The following IGF2R variants were observed in gnomAD, a reference collection of about 807,000 sequenced individuals.
The protein encoded by IGF2R is cation-independent mannose-6-phosphate receptor.
In IGF2R, 91 loss-of-function variants were observed where a neutral mutation model predicts 270.6. The ratio of observed to expected loss-of-function variants is 0.34; its 90% CI spans 0.28 to 0.40. The LOEUF (loss-of-function observed/expected upper bound fraction) is 0.40. IGF2R is among the 10% of genes least tolerant of loss of function. IGF2R has a pLI of 1.00. For synonymous variants in IGF2R, 1,316 were observed against 1,258.9 expected, an observed-to-expected ratio of 1.05 and a Z score of -0.96; for missense variants, 2,805 against 3,188.3, an observed-to-expected ratio of 0.88 and a Z score of 2.90.
Position 160,012,569 on chromosome 6 carries a change from G to T in IGF2R, c.513+1784G>T, listed in dbSNP as rs560695390. On this transcript the variant is annotated intron_variant, in intron 4 of 47. Coordinates refer to ENST00000356956, the MANE Select transcript of IGF2R (RefSeq NM_000876.4). Reference sequence around the variant, plus strand: ...ACTTTGAAATGACCAGATCTCACAAGAACTCACTCACTATCATGATAATAG... The same window carrying T: ...ACTTTGAAATGACCAGATCTCACAATAACTCACTCACTATCATGATAATAG... Among the ~76,000 whole-genome samples, 26 of 151,510 alleles carry T rather than the reference G, an allele frequency of 1.7e-4. No individual in the cohort carries two copies. In the South Asian group the frequency reaches 5.2e-3, roughly 30 times the overall value.
intron 9 of IGF2R, among the ~76,000 whole-genome samples, chr6:160,034,074 G>A (rs1372089833): frequency 1.3e-5 from 2 of 152,186 alleles, no homozygotes; most frequent in Non-Finnish European, 2.9e-5. Context: ...CCTCAGGCAC[G>A]GCTGTGTTCA....
At chr6:160,061,678 T>C (rs1778442128) in intron 24 of IGF2R, 32 bp downstream of exon 24, 2 of 1,613,800 alleles carry the variant, frequency 1.2e-6, no homozygotes, top group South Asian at 2.2e-5. Flanking sequence ...GATTGGCGTC[T>C]GTTCATTTTA....
intron 1 of IGF2R, among the ~76,000 whole-genome samples, chr6:159,984,962 T>C (rs887449785): frequency 6.6e-6 from 1 of 152,244 alleles, no homozygotes; most frequent in Non-Finnish European, 1.5e-5. Flanking sequence ...CATGGGTATG[T>C]ATGTAAAGGA....
chr6:160,075,341 G>T (rs1314589507), intron 35 of IGF2R, among the ~76,000 whole-genome samples: 1 of 152,144 alleles, frequency 6.6e-6, no homozygotes, highest in Non-Finnish European at 1.5e-5. Flanking sequence ...AACACCTCCT[G>T]TCCCCTCTCC....
intron 2 of IGF2R, among the ~76,000 whole-genome samples, chr6:159,999,909 A>C (rs923777244): frequency 5.3e-5 from 8 of 152,246 alleles, no homozygotes; most frequent in Admixed American, 3.3e-4. Flanking sequence ...GAAGCCATAC[A>C]GGAGAAGAGG....
At chr6:159,972,327 TC>T in intron 1 of IGF2R, among the ~76,000 whole-genome samples, 1 of 152,312 alleles carries the variant, frequency 6.6e-6, no homozygotes, top group South Asian at 2.1e-4. Context: ...TACAGAAGGA[TC>T]ACATTCCAAA....
rs201939968 is a variant in IGF2R, at chr6:160,047,295, C to T, written c.2188C>T (p.Leu730Phe). ...HTPRATLITF[L>F]CDRDAGVGFP... ...ACCGAGAGCTACGCTCATCACCTTTCTCTGTGATCGAGACGCGGGAGTGGG... is the reference window on the plus strand; with the variant it reads ...ACCGAGAGCTACGCTCATCACCTTTTTCTGTGATCGAGACGCGGGAGTGGG... Residue 730 changes from leucine to phenylalanine, a missense_variant, in exon 16 of 48, where the codon CTC becomes TTC. Leu to Phe is a conservative substitution (Grantham distance 22, BLOSUM62 0). Coordinates refer to ENST00000356956, the MANE Select transcript of IGF2R (RefSeq NM_000876.4). 1.9e-6 allele frequency: 3 copies of T among 1,610,042 alleles called. No individual in the cohort carries two copies. Among genetic ancestry groups the T allele is most frequent in the Non-Finnish European group, 2.5e-6 (3 of 1,178,714 alleles).
intron 4 of IGF2R, among the ~76,000 whole-genome samples, chr6:160,015,697 G>A (rs1479427712): frequency 6.6e-6 from 1 of 152,192 alleles, no homozygotes; most frequent in Non-Finnish European, 1.5e-5. Context: ...CCCTGATATA[G>A]TTTGGATTTT....
At chr6:160,060,503 A>T (rs1210486528) in intron 22 of IGF2R, 44 bp from the exon 23 acceptor site, 3 of 1,599,196 alleles carry the variant, frequency 1.9e-6, no homozygotes, top group Non-Finnish European at 2.6e-6. Flanking sequence ...CTGCGCCATG[A>T]ATACTGTTCT....
At chr6:160,032,153 C>T (rs1297586188) in intron 7 of IGF2R, among the ~76,000 whole-genome samples, 4 of 152,162 alleles carry the variant, frequency 2.6e-5, no homozygotes, top group African/African-American at 4.8e-5. Context: ...TCGTGGAAAG[C>T]GGTGAATGGA....
Position 160,027,225 on chromosome 6 carries a change from C to G in IGF2R, c.687C>G (p.Pro229=), listed in dbSNP as rs1025884357. The change falls in exon 6 of 48, where the codon CCC becomes CCG. Residue 229 remains proline, a synonymous_variant. Transcript: ENST00000356956. Reference sequence around the variant, plus strand: ...CAGGTTCACAGCTGCGGGCCTGTCCCCCCGGCACTGCCGCCTGCCTGGTAA... The same window carrying G: ...CAGGTTCACAGCTGCGGGCCTGTCCGCCCGGCACTGCCGCCTGCCTGGTAA... ...RDPGSQLRAC[P]PGTAACLVRG... is the part of the protein sequence containing the mutation. The G allele has an allele frequency of 6.2e-7, 1 of 1,614,268 alleles. No individual in the cohort carries two copies.
chr6:160,059,088 C>G lies in IGF2R; in HGVS notation c.3081C>G (p.Leu1027=), dbSNP rs1387994869. Residue 1027 remains leucine, a synonymous_variant, in exon 22 of 48, where the codon CTC becomes CTG. Coordinates refer to ENST00000356956, the MANE Select transcript of IGF2R (RefSeq NM_000876.4). ...TCACTCTGACCTACAAAGGGCCTCT[C>G]TCTGCCAAAGGTGAGCTCAGAGCCA... The part of the protein sequence containing the change: ...GFITLTYKGP[L]SAKGTADAFI... 6.2e-7 allele frequency: 1 copy of G among 1,613,782 alleles called. No individual in the cohort carries two copies. Among genetic ancestry groups the G allele is most frequent in the Non-Finnish European group, 8.5e-7 (1 of 1,179,936 alleles).
chr6:160,054,578 G>C (rs549924723), intron 19 of IGF2R, among the ~76,000 whole-genome samples: 31 of 152,282 alleles, frequency 2.0e-4, no homozygotes, highest in African/African-American at 6.5e-4. Context: ...AGGGAAGAAA[G>C]CCTAGTGGTT....
chr6:160,104,441 C>T (rs920282726), intron 47 of IGF2R, among the ~76,000 whole-genome samples: 5 of 151,926 alleles, frequency 3.3e-5, no homozygotes, highest in African/African-American at 1.2e-4. Context: ...CAAATGACCC[C>T]ACTGCCACCC....
chr6:159,989,404 G>GAGGGAGTGCTTCTGTCGTCA (rs1441057425), intron 1 of IGF2R, among the ~76,000 whole-genome samples: 2 of 152,116 alleles, frequency 1.3e-5, no homozygotes, highest in East Asian at 3.9e-4. Flanking sequence ...CTCCTTCTGT[G>GAGGGAGTGCTTCTGTCGTCA]AGGGAGTGCT....
chr6:159,972,336 A>G (rs996968027), intron 1 of IGF2R, among the ~76,000 whole-genome samples: 1 of 152,238 alleles, frequency 6.6e-6, no homozygotes, highest in Non-Finnish European at 1.5e-5. Flanking sequence ...ATCACATTCC[A>G]AATGTTTGTA....
Position 160,072,770 on chromosome 6 carries a change from C to T in IGF2R, c.4576C>T (p.Leu1526=), listed in dbSNP as rs376385502. 3.1e-6 allele frequency: 5 copies of T among 1,614,108 alleles called. No individual in the cohort carries two copies. Among genetic ancestry groups the T allele is most frequent in the African/African-American group, 1.3e-5 (1 of 74,932 alleles). Reference sequence around the variant, plus strand: ...CATCTTCTTCCACCCTACAGGACACCTGTTTGATCTGAGCTCCTTAAGTGG... The same window carrying T: ...CATCTTCTTCCACCCTACAGGACACTTGTTTGATCTGAGCTCCTTAAGTGG... ...CQVTNPSTGH[L]FDLSSLSGRA... Residue 1526 remains leucine, a synonymous_variant, in exon 33 of 48, where the codon CTG becomes TTG. Coordinates refer to ENST00000356956, the MANE Select transcript of IGF2R (RefSeq NM_000876.4).
intron 1 of IGF2R, among the ~76,000 whole-genome samples, chr6:159,974,834 T>C (rs913369219): frequency 6.6e-6 from 1 of 152,236 alleles, no homozygotes; most frequent in Non-Finnish European, 1.5e-5. Context: ...TCAAAGATTT[T>C]CTCCTGTCTC....
At position 160,064,506 on chromosome 6, in the gene IGF2R, T is replaced by A. The variant is rs1357695934; in HGVS notation, c.3992T>A (p.Phe1331Tyr). 7.4e-6 allele frequency: 12 copies of A among 1,614,174 alleles called. No individual in the cohort carries two copies. The highest frequency in any genetic ancestry group is 1.0e-5 in the Non-Finnish European group (12 of 1,180,026). Residue 1331 changes from phenylalanine (F) to tyrosine (Y), a missense_variant, in exon 28 of 48, where the codon TTC becomes TAC. Physicochemically the swap from Phe to Tyr is conservative, Grantham distance 22. Transcript: ENST00000356956. ...KVYQRSTAIF[F>Y]YCDRGTQRPV... is the part of the protein sequence containing the mutation. Reference sequence around the variant, plus strand: ...TATCAGCGCTCCACAGCCATCTTCTTCTACTGTGACCGCGGCACCCAGCGG... The same window carrying A: ...TATCAGCGCTCCACAGCCATCTTCTACTACTGTGACCGCGGCACCCAGCGG...
Sources: gnomAD v4.1 joint callset for allele counts (sites outside exome capture counted in the v4.1 genomes callset) on GRCh38, gnomAD v4.1.1 for gene constraint, MANE v1.5 for transcripts, NCBI Gene and HGNC (gene_info 2026-07-23, HGNC 2026-07-21) for gene names.